The following PDCD1LG2 variants were observed in gnomAD, a reference collection of about 807,000 sequenced individuals.
PDCD1LG2 encodes programmed cell death 1 ligand 2.
A neutral mutation model predicts 28.2 loss-of-function variants in PDCD1LG2; 32 were observed. That is an observed-to-expected ratio of 1.13 (90% confidence interval 0.86 to 1.52). The LOEUF (loss-of-function observed/expected upper bound fraction) is 1.52, where lower values mean the gene tolerates loss of function less well. Ranked by LOEUF, PDCD1LG2 falls within the 40% of genes most tolerant of loss-of-function variation. The probability of loss-of-function intolerance (pLI) is 0.00; values close to 1 mark genes in which losing one functional copy is unlikely to be tolerated. For synonymous variants in PDCD1LG2, 116 were observed against 120.2 expected, an observed-to-expected ratio of 0.97 and a Z score of 0.23; for missense variants, 385 against 323.8, an observed-to-expected ratio of 1.19 and a Z score of -1.45.
Position 5,562,713 on chromosome 9 carries a change from T to C in PDCD1LG2, c.767-449T>C, listed in dbSNP as rs181121423. ...GTGAGCAGCATCCCATTATGTGAAC[T>C]TGTGCTTCTGAACCAGTAACTTGAG... On this transcript the variant is annotated intron_variant, in intron 5 of 6. Transcript: ENST00000397747. Among the ~76,000 whole-genome samples, 26 of 152,324 alleles carry C rather than the reference T, an allele frequency of 1.7e-4. No homozygotes were observed. The East Asian group carries it at 4.6e-3, about 27-fold the overall frequency.
At chr9:5,563,361 C>A in intron 6 of PDCD1LG2, 150 bp downstream of exon 6, 1 of 726,604 alleles carries the variant, frequency 1.4e-6, no homozygotes, top group South Asian at 1.9e-5. Flanking sequence ...TTCAGCGAAG[C>A]CTCGTTCTTA....
At chr9:5,515,133 A>G (rs1453715400) in intron 1 of PDCD1LG2, among the ~76,000 whole-genome samples, 1 of 152,240 alleles carries the variant, frequency 6.6e-6, no homozygotes, top group African/African-American at 2.4e-5. Context: ...ATTTCTGTTC[A>G]CTACCTGTGG....
At chr9:5,567,165 T>A (rs1245419655) in intron 6 of PDCD1LG2, among the ~76,000 whole-genome samples, 1 of 152,210 alleles carries the variant, frequency 6.6e-6, no homozygotes. Flanking sequence ...TCAGTCCTTA[T>A]CAAGTTTAGG....
intron 4 of PDCD1LG2, among the ~76,000 whole-genome samples, chr9:5,553,126 A>G (rs1816370214): frequency 6.6e-6 from 1 of 152,110 alleles, no homozygotes; most frequent in African/African-American, 2.4e-5. Context: ...AAAGAAAAGG[A>G]AAGGGGAGAG....
chr9:5,520,907 G>C (rs181132045), intron 1 of PDCD1LG2, among the ~76,000 whole-genome samples: 5 of 152,250 alleles, frequency 3.3e-5, no homozygotes, highest in Non-Finnish European at 7.4e-5. Context: ...ACAAAGACTT[G>C]TATATGAGTT....
intron 4 of PDCD1LG2, among the ~76,000 whole-genome samples, chr9:5,552,385 C>T (rs1195862259): frequency 2.0e-5 from 3 of 152,132 alleles, no homozygotes; most frequent in East Asian, 3.9e-4. Context: ...TAGAATTCCC[C>T]GTAGGAAGCC....
intron 2 of PDCD1LG2, among the ~76,000 whole-genome samples, chr9:5,528,706 T>G (rs1315204982): frequency 3.3e-5 from 5 of 152,214 alleles, no homozygotes; most frequent in African/African-American, 1.2e-4. Flanking sequence ...ATTGTTTAAT[T>G]ATTGTTTATT....
chr9:5,527,915 G>C (rs1231948354), intron 2 of PDCD1LG2, among the ~76,000 whole-genome samples: 1 of 151,812 alleles, frequency 6.6e-6, no homozygotes, highest in Non-Finnish European at 1.5e-5. Context: ...TGCAACCTCC[G>C]CCTCCCGGGT....
At chr9:5,533,222 T>A (rs1820516790) in intron 2 of PDCD1LG2, among the ~76,000 whole-genome samples, 1 of 152,240 alleles carries the variant, frequency 6.6e-6, no homozygotes. Context: ...AAGATTTTCC[T>A]ATACCTCCAT....
rs1161871116 is a variant in PDCD1LG2 at position 5,541,010 on chromosome 9, C to T, written c.361+5960C>T. Among the ~76,000 whole-genome samples, 4 of 152,086 alleles carry T rather than the reference C, an allele frequency of 2.6e-5. No homozygotes were observed. The South Asian group carries it at 8.3e-4, about 32-fold the overall frequency. ...TCCAACAGCATATCAAAAAGATAAT[C>T]CACCATGATCAAGTGGGTTTTACAC... is the stretch of plus-strand genomic sequence containing the variant. On this transcript the variant is annotated intron_variant, in intron 3 of 6. Transcript: ENST00000397747.
intron 4 of PDCD1LG2, among the ~76,000 whole-genome samples, chr9:5,555,211 T>C (rs1416240292): frequency 6.6e-6 from 1 of 152,048 alleles, no homozygotes; most frequent in Non-Finnish European, 1.5e-5. Flanking sequence ...GGCCAGGAGT[T>C]CAAAAATCAG....
Position 5,527,468 on chromosome 9 carries a change from T to C in PDCD1LG2, c.55+4867T>C, listed in dbSNP as rs374103635. The stretch of plus-strand genomic sequence containing the variant: ...ACATAAAGCATTTGAAATTCATTCA[T>C]ATTGTTGTGTGAATCAATAATTTAT... On this transcript the variant is annotated intron_variant, in intron 2 of 6. Coordinates refer to ENST00000397747, the MANE Select transcript of PDCD1LG2 (RefSeq NM_025239.4). Among the ~76,000 whole-genome samples, 21 of 152,392 alleles carry C rather than the reference T, an allele frequency of 1.4e-4. No homozygotes were observed. In the East Asian group the frequency reaches 2.3e-3, roughly 17 times the overall value.
chr9:5,535,615 C>T (rs1160511270), intron 3 of PDCD1LG2, among the ~76,000 whole-genome samples: 3 of 151,620 alleles, frequency 2.0e-5, no homozygotes, highest in Non-Finnish European at 1.5e-5. Context: ...TGTGTGTGTG[C>T]GTGTTGGGTC....
chr9:5,537,930 G>A (rs576566776), intron 3 of PDCD1LG2, among the ~76,000 whole-genome samples: 1 of 152,180 alleles, frequency 6.6e-6, no homozygotes, highest in African/African-American at 2.4e-5. Context: ...AAGCTTCATA[G>A]TCACAAGAGA....
chr9:5,554,703 C>T (rs1206104158), intron 4 of PDCD1LG2, among the ~76,000 whole-genome samples: 1 of 152,190 alleles, frequency 6.6e-6, no homozygotes, highest in African/African-American at 2.4e-5. Flanking sequence ...AATGGGACTA[C>T]AGCACAAAAA....
At chr9:5,520,761 A>C (rs143303630) in intron 1 of PDCD1LG2, among the ~76,000 whole-genome samples, 97 of 152,364 alleles carry the variant, frequency 6.4e-4, no homozygotes, top group African/African-American at 2.2e-3. Context: ...AATGTGCAGA[A>C]TGGGAAAAAA....
intron 4 of PDCD1LG2, among the ~76,000 whole-genome samples, chr9:5,555,554 G>A (rs6476988): frequency 0.16 from 23,774 of 152,158 alleles, 2,389 homozygotes; most frequent in African/African-American, 0.27. Flanking sequence ...AGTGAGAAGC[G>A]AGACAGAAGT....
chr9:5,541,469 T>C lies in PDCD1LG2; in HGVS notation c.361+6419T>C, dbSNP rs558594950. Among the ~76,000 whole-genome samples the C allele has an allele frequency of 3.6e-4, 55 of 152,302 alleles. 2 individuals are homozygous for C. The highest frequency in any genetic ancestry group is 9.2e-4 in the Admixed American group (14 of 15,298). ...ACCTAGAAAACCCTAAGGATTCATC[T>C]TGAAAGCTCCTAGAACTGGTAAACA... On this transcript the variant is annotated intron_variant, in intron 3 of 6. Transcript: ENST00000397747.
In PDCD1LG2 at chr9:5,515,944, A is replaced by G. The variant is rs867663732; in HGVS notation, c.-15+5141A>G. Among the ~76,000 whole-genome samples the G allele has an allele frequency of 3.1e-3, 465 of 150,146 alleles. 1 individual carries two copies. The highest frequency in any genetic ancestry group is 6.3e-3 in the South Asian group (30 of 4,738). On this transcript the variant is annotated intron_variant, in intron 1 of 6. Coordinates refer to ENST00000397747, the MANE Select transcript of PDCD1LG2 (RefSeq NM_025239.4). ...TCTCAAAAAAAAAAAAAAAAAAAAA[A>G]AAAAAGAAAAGAAAGAAAGAAAGAG...
Sources: allele counts gnomAD v4.1 joint callset (sites outside exome capture counted in the v4.1 genomes callset), GRCh38; gene constraint gnomAD v4.1.1; transcripts MANE v1.5; gene names NCBI Gene and HGNC (gene_info 2026-07-23, HGNC 2026-07-21).